THBS3: variants seen among roughly 807,000 people sequenced by gnomAD.
The protein encoded by THBS3 is thrombospondin-3.
THBS3 carries 78 observed loss-of-function variants against 118.3 expected under a neutral mutation model. The ratio of observed to expected loss-of-function variants is 0.66; its 90% confidence interval spans 0.55 to 0.80. The LOEUF is 0.80. Among genes scored for constraint, THBS3 ranks in the 30% least tolerant of loss-of-function variants. The pLI is 0.00. For synonymous variants in THBS3, 427 were observed against 475.3 expected, an observed-to-expected ratio of 0.90 and a Z score of 1.32; for missense variants, 1,057 against 1,247.4, an observed-to-expected ratio of 0.85 and a Z score of 2.30.
intron 14 of THBS3, 49 bp from the exon 15 acceptor site, chr1:155,200,162 T>C (rs774512966): frequency 6.8e-7 from 1 of 1,469,780 alleles, no homozygotes; most frequent in East Asian, 2.3e-5. Context: ...TGCCATATTC[T>C]CTCTTCTAGG....
Position 155,197,871 on chromosome 1 carries a change from C to T in THBS3, c.2302+9G>A, listed in dbSNP as rs757785511. 6.2e-7 allele frequency: 1 copy of T among 1,613,974 alleles called. No individual in the cohort carries two copies. ...TTGGAAGTGATTGAACTGCATATCC[C>T]TTACATACCAACTGCCAAGCCAGGG... On this transcript the variant is annotated intron_variant, in intron 19 of 22. Coordinates refer to ENST00000368378, the MANE Select transcript of THBS3 (RefSeq NM_007112.5). The surrounding 1 kb of genome is among the most constrained non-coding windows in gnomAD (Gnocchi z 5.0).
intron 14 of THBS3, 138 bp from the exon 15 acceptor site, chr1:155,200,251 C>T (rs1164304536): frequency 5.1e-6 from 5 of 988,562 alleles, no homozygotes; most frequent in Admixed American, 5.1e-5. Context: ...GTCTCACCCT[C>T]TAGTCCACAC....
rs759584137 is a variant in THBS3, at chr1:155,200,165, C to G, written c.1709-52G>C. The G allele has an allele frequency of 3.4e-6, 5 of 1,456,924 alleles. No homozygotes were observed. The Admixed American group carries it at 9.0e-5, about 26-fold the overall frequency. The allele number at this position is 1,456,924 out of a possible 1,614,324, so 90.2% of individuals were successfully genotyped here. A position where few individuals can be genotyped will look rare whatever the true frequency, so the allele number is the denominator to read the frequency against. On this transcript the variant is annotated intron_variant, in intron 14 of 22. Transcript: ENST00000368378. ...GTTACTAGAACATGCCATATTCTCT[C>G]TTCTAGGTTGGTGAAAGTCCCGAAC...
intron 15 of THBS3, 21 bp from the exon 16 acceptor site, chr1:155,199,877 C>G (rs1238487417): frequency 6.2e-7 from 1 of 1,614,190 alleles, no homozygotes; most frequent in Non-Finnish European, 8.5e-7. Context: ...GGGACCTGTT[C>G]TCACCATCTC....
Position 155,200,590 on chromosome 1 carries a change from G to A in THBS3, c.1569C>T (p.Pro523=). The A allele has an allele frequency of 6.2e-7, 1 of 1,614,168 alleles. No individual in the cohort carries two copies. Among genetic ancestry groups the A allele is most frequent in the Non-Finnish European group, 8.5e-7 (1 of 1,180,020 alleles). The change falls in exon 14 of 23, where the codon CCC becomes CCT. Residue 523 remains proline (P), a synonymous_variant. Transcript: ENST00000368378. ...TATCTGAGTTCTGCTGGTCTTTGTT[G>A]GGGAACAGCCGGCAGTTGTCCTGGG... is the stretch of plus-strand genomic sequence containing the variant. ...KNVEDNCRLF[P]NKDQQNSDTD... is the part of the protein sequence containing the mutation.
In THBS3 at chr1:155,203,303, C is replaced by T. The variant is rs1670068131; in HGVS notation, c.676G>A (p.Glu226Lys). 6.2e-7 allele frequency: 1 copy of T among 1,613,996 alleles called. No individual in the cohort carries two copies. Among genetic ancestry groups the T allele is most frequent in the South Asian group, 1.1e-5 (1 of 91,052 alleles). ...TGGGTGACCAGCGCCTTGGTCTGCT[C>T]CCCTGTCGGGACCCAGGGTGTGAGG... ...VTNALHSILG[E>K]QTKALVTQLT... is the part of the protein sequence containing the mutation. Residue 226 changes from glutamate (E) to lysine (K), a missense_variant and splice_region_variant, in exon 6 of 23, where the codon GAG becomes AAG. Physicochemically the swap from Glu to Lys is moderately conservative, Grantham distance 56. Coordinates refer to ENST00000368378, the MANE Select transcript of THBS3 (RefSeq NM_007112.5).
At position 155,197,960 on chromosome 1, in the gene THBS3, T is replaced by TG. The variant is rs1668966476; in HGVS notation, c.2254-33dup. ...TTGTATAGTAAAGAAAAAGCTGTGA[T>TG]GCAGGTGTGCTATCCCTCCCAGGCC... On this transcript the variant is annotated intron_variant, in intron 18 of 22. Coordinates refer to ENST00000368378, the MANE Select transcript of THBS3 (RefSeq NM_007112.5). The surrounding 1 kb of genome is among the most constrained non-coding windows in gnomAD (Gnocchi z 5.0). 6 of 1,614,056 alleles carry TG rather than the reference T, an allele frequency of 3.7e-6. No individual in the cohort carries two copies. The African/African-American group carries it at 8.0e-5, about 22-fold the overall frequency.
At chr1:155,200,692 T>C in intron 13 of THBS3, 82 bp from the exon 14 acceptor site, 4 of 1,577,018 alleles carry the variant, frequency 2.5e-6, no homozygotes, top group Non-Finnish European at 3.4e-6. Flanking sequence ...TCTGTATCCT[T>C]TTCTAAGATC....
At chr1:155,199,409 C>CA (rs11355526) in intron 16 of THBS3, among the ~76,000 whole-genome samples, 65 of 121,708 alleles carry the variant, frequency 5.3e-4, no homozygotes, top group South Asian at 8.0e-4. Flanking sequence ...GACTCCGTCT[C>CA]AAAAAAAAAA....
In THBS3 at chr1:155,202,881, TG is replaced by T; in HGVS notation, c.887del (p.Pro296GlnfsTer190). The T allele has an allele frequency of 6.2e-7, 1 of 1,613,812 alleles. No individual in the cohort carries two copies. The highest frequency in any genetic ancestry group is 8.5e-7 in the Non-Finnish European group (1 of 1,180,018). On this transcript the variant is annotated frameshift_variant, in exon 8 of 23. Transcript: ENST00000368378. LOFTEE classifies it high-confidence loss of function. This position sits in a 1 kb window ranked among gnomAD's most constrained non-coding sequence, Gnocchi z 5.5. ...GGGGGCAGGGCCCACAGCGGTAGCC[TG>T]GGTACTCGTACACTTCCATGCAGTC... ...GVDCMEVYEY[P>X]GYRCGPCPPG...
rs750583530 is a variant in THBS3, at chr1:155,205,278, C to T, written c.325G>A (p.Ala109Thr). 8.1e-6 allele frequency: 13 copies of T among 1,614,052 alleles called. No individual in the cohort carries two copies. Among genetic ancestry groups the T allele is most frequent in the South Asian group, 4.4e-5 (4 of 91,092 alleles). Residue 109 changes from alanine (A) to threonine (T), a missense_variant, in exon 3 of 23, where the codon GCC (alanine) becomes ACC (threonine). Around this residue, in one of 3 missense-constraint regions of THBS3, gnomAD observed 206 missense variants for 205.7 expected, o/e 1.00. Coordinates refer to ENST00000368378, the MANE Select transcript of THBS3 (RefSeq NM_007112.5). ...AGGCCCGCTTGCTGTAGGTTCACGG[C>T]GTGGACTTTGCCATCCTCCCGCTGG... ...RYQREDGKVH[A>T]VNLQQAGLAD...
intron 1 of THBS3, 103 bp downstream of exon 1, chr1:155,207,695 G>C (rs1670757411): frequency 8.0e-7 from 1 of 1,244,504 alleles, no homozygotes; most frequent in East Asian, 2.3e-5. Context: ...CTCAATTTCT[G>C]GACTCTTCCC....
At position 155,197,328 on chromosome 1, in the gene THBS3, G is replaced by C; in HGVS notation, c.2500-115C>G. 9 of 1,531,862 alleles carry C rather than the reference G, an allele frequency of 5.9e-6. No homozygotes were observed. The highest frequency in any genetic ancestry group is 8.0e-6 in the Non-Finnish European group (9 of 1,127,402). The allele number at this position is 1,531,862 out of a possible 1,614,324, so 94.9% of individuals were successfully genotyped here. A position where few individuals can be genotyped will look rare whatever the true frequency, so the allele number is the denominator to read the frequency against. On this transcript the variant is annotated intron_variant, in intron 20 of 22. Coordinates refer to ENST00000368378, the MANE Select transcript of THBS3 (RefSeq NM_007112.5). The surrounding 1 kb of genome is among the most constrained non-coding windows in gnomAD (Gnocchi z 5.0). ...CAAGGCGGTCATGAAAATGCCCTGG[G>C]GCCCCAGAGAGCCGGCCTCCAAGCC...
Position 155,207,831 on chromosome 1 carries a change from A to G in THBS3, c.46T>C (p.Cys16Arg), listed in dbSNP as rs370931705. 8.7e-6 allele frequency: 14 copies of G among 1,613,908 alleles called. No homozygotes were observed. The highest frequency in any genetic ancestry group is 1.2e-5 in the Non-Finnish European group (14 of 1,180,004). Residue 16 changes from cysteine (C) to arginine (R), a missense_variant, in exon 1 of 23, where the codon TGC becomes CGC. Cys to Arg is a radical substitution (Grantham distance 180, BLOSUM62 -3). Around this residue, in one of 3 missense-constraint regions of THBS3, gnomAD observed 206 missense variants for 205.7 expected, o/e 1.00. Transcript: ENST00000368378. ...TCCTGACTGGCAGATGTGAAAAAGC[A>G]AAGGAGGAGAAGAGCCAGGGCCCCC... ...LRGALALLLL[C>R]FFTSASQDLQ...
rs1484780967 is a variant in THBS3 at position 155,198,234 on chromosome 1, G to A, written c.2075-14C>T. On this transcript the variant is annotated splice_polypyrimidine_tract_variant and intron_variant, in intron 17 of 22. Transcript: ENST00000368378. ...CAACGCCATTGCCTGGGCAGAGTGA[G>A]GCTGGGTGCTCAGGAAGGCCCTGGC... 6.2e-7 allele frequency: 1 copy of A among 1,613,186 alleles called. No individual in the cohort carries two copies. The highest frequency in any genetic ancestry group is 8.5e-7 in the Non-Finnish European group (1 of 1,179,320).
upstream of THBS3, chr1:155,208,709 CCGGCCT>C: frequency 7.7e-7 from 1 of 1,294,768 alleles, no homozygotes; most frequent in Non-Finnish European, 1.0e-6. Context: ...AAGCCCCAGC[CCGGCCT>C]CCGCTCCGGC....
rs1160860331 is a variant in THBS3, at chr1:155,206,554, C to T, written c.80-148G>A. 1.4e-6 allele frequency: 1 copy of T among 694,674 alleles called. No individual in the cohort carries two copies. Among genetic ancestry groups the T allele is most frequent in the Non-Finnish European group, 2.5e-6 (1 of 406,120 alleles). The allele number at this position is 694,674 out of a possible 1,614,324, so 43.0% of individuals were successfully genotyped here. On this transcript the variant is annotated intron_variant, in intron 1 of 22. Transcript: ENST00000368378. The surrounding 1 kb of genome is among the most constrained non-coding windows in gnomAD (Gnocchi z 4.2). ...CCTTGGCTGGGCATGGTGGCTCGCA[C>T]CTGTAATCCCAACACCTTGGGAGGT...
rs1379461577 is a variant in THBS3 at position 155,203,413 on chromosome 1, C to A, written c.673+100G>T. The A allele has an allele frequency of 1.9e-6, 3 of 1,588,860 alleles. No individual in the cohort carries two copies. In the Admixed American group the frequency reaches 5.4e-5, roughly 29 times the overall value. ...CGGCTGCCCACCCCTGCCTTTAAAC[C>A]TACTACATTCCTGACTGAAGAGGAC... On this transcript the variant is annotated intron_variant, in intron 5 of 22. Transcript: ENST00000368378.
At chr1:155,198,282 C>T (rs1338942888) in intron 17 of THBS3, 62 bp from the exon 18 acceptor site, 2 of 1,599,538 alleles carry the variant, frequency 1.3e-6, no homozygotes, top group South Asian at 1.1e-5. Context: ...GCAACAATAC[C>T]ATCTGTTGGG....
Sources: allele counts gnomAD v4.1 joint callset (sites outside exome capture counted in the v4.1 genomes callset), GRCh38; gene constraint gnomAD v4.1.1; regional missense constraint gnomAD v4.1.1; non-coding constraint Gnocchi (gnomAD v3.1); transcripts MANE v1.5; gene names NCBI Gene and HGNC (gene_info 2026-07-23, HGNC 2026-07-21).